PTP4A3: variants seen among roughly 807,000 people sequenced by gnomAD.
PTP4A3 encodes protein tyrosine phosphatase type IVA 3.
In PTP4A3, 9 loss-of-function variants were observed where a neutral mutation model predicts 15.2. The observed-to-expected ratio is 0.59, with a 90% CI of 0.36 to 1.03. The LOEUF is 1.03. PTP4A3 is among the 50% of genes least tolerant of loss of function. PTP4A3 has a pLI of 0.02. For synonymous variants in PTP4A3, 95 were observed against 102.0 expected, an observed-to-expected ratio of 0.93 and a Z score of 0.41; for missense variants, 234 against 252.1, an observed-to-expected ratio of 0.93 and a Z score of 0.49.
At chr8:141,413,633 A>G (rs1295913211) in intron 1 of PTP4A3, among the ~76,000 whole-genome samples, 1 of 152,220 alleles carries the variant, frequency 6.6e-6, no homozygotes, top group East Asian at 1.9e-4. Context: ...CCTCCTGCCC[A>G]GGGCAAGGTG....
chr8:141,415,377 C>G (rs1832997322), intron 1 of PTP4A3, among the ~76,000 whole-genome samples: 1 of 151,730 alleles, frequency 6.6e-6, no homozygotes, highest in Non-Finnish European at 1.5e-5. Flanking sequence ...CCCGCTCGCT[C>G]CCGCTGTTAC....
At chr8:141,427,920 C>T (rs919923089) in intron 5 of PTP4A3, 96 bp downstream of exon 5, 26 of 1,191,088 alleles carry the variant, frequency 2.2e-5, no homozygotes, top group African/African-American at 4.6e-5. Context: ...GTGGTTCCGT[C>T]GCTCTGAGGC....
At chr8:141,430,461 G>A (rs868077568) in intron 5 of PTP4A3, among the ~76,000 whole-genome samples, 3 of 151,824 alleles carry the variant, frequency 2.0e-5, no homozygotes, top group Admixed American at 6.6e-5. Context: ...TAAGGACCAG[G>A]TGGTGGGGAT....
chr8:141,426,394 C>G (rs183122069), intron 3 of PTP4A3: 2 of 975,842 alleles, frequency 2.0e-6, no homozygotes, highest in African/African-American at 1.8e-5. Context: ...GGCCGGGGCC[C>G]GGTGGAACCG....
rs368947682 is a variant in PTP4A3, at chr8:141,421,967, G to A, written c.-274G>A. On this transcript the variant is annotated 5_prime_UTR_variant, in exon 2 of 6. Coordinates refer to ENST00000521578, the MANE Select transcript of PTP4A3 (RefSeq NM_032611.3). The stretch of plus-strand genomic sequence containing the variant: ...TGCCCGCTTTACTTTGGTTGGGTTG[G>A]GGGGGGCGGCGGGCTGTTTTGTTCC... 20 of 431,556 alleles carry A rather than the reference G, an allele frequency of 4.6e-5. No individual in the cohort carries two copies. The highest frequency in any genetic ancestry group is 6.0e-4 in the Middle Eastern group (1 of 1,658). 26.7% of individuals were successfully genotyped at this position (431,556 alleles called of 1,614,324 possible).
At chr8:141,411,865 A>G (rs1256349170) in intron 1 of PTP4A3, among the ~76,000 whole-genome samples, 3 of 151,822 alleles carry the variant, frequency 2.0e-5, no homozygotes, top group African/African-American at 7.3e-5. Context: ...TTAAGAAGAA[A>G]ATGCAGAGAA....
At chr8:141,405,260 C>T (rs1586541147) in intron 1 of PTP4A3, among the ~76,000 whole-genome samples, 1 of 152,182 alleles carries the variant, frequency 6.6e-6, no homozygotes, top group East Asian at 1.9e-4. Flanking sequence ...TCCTGTGGGC[C>T]CCATGCAGAA....
chr8:141,399,217 C>T (rs1832525774), intron 1 of PTP4A3, among the ~76,000 whole-genome samples: 1 of 152,234 alleles, frequency 6.6e-6, no homozygotes, highest in Admixed American at 6.5e-5. Context: ...CTCCTGGCAC[C>T]CCCACTCTGG....
Position 141,406,090 on chromosome 8 carries a change from C to A in PTP4A3, c.-854+14006C>A, listed in dbSNP as rs1478763234. Reference sequence around the variant, plus strand: ...GGCTTTGAGCGGAGGGGGCTATGATCTGACTTAGGTCGAGGACACTGGTGG... The same window carrying A: ...GGCTTTGAGCGGAGGGGGCTATGATATGACTTAGGTCGAGGACACTGGTGG... On this transcript the variant is annotated intron_variant, in intron 1 of 5. Transcript: ENST00000521578. The surrounding 1 kb of genome is among the most constrained non-coding windows in gnomAD (Gnocchi z 4.5). 6.6e-6 allele frequency among the ~76,000 whole-genome samples: 1 copy of A among 152,132 alleles called. No individual in the cohort carries two copies. The highest frequency in any genetic ancestry group is 1.5e-5 in the Non-Finnish European group (1 of 68,018).
intron 3 of PTP4A3, 131 bp from the exon 4 acceptor site, chr8:141,426,808 G>A: frequency 6.9e-7 from 1 of 1,443,476 alleles, no homozygotes; most frequent in African/African-American, 1.4e-5. Context: ...TGCCCTCTGG[G>A]TCTGCTGCCC....
chr8:141,409,564 C>T (rs1832814752), intron 1 of PTP4A3, among the ~76,000 whole-genome samples: 1 of 152,226 alleles, frequency 6.6e-6, no homozygotes, highest in African/African-American at 2.4e-5. Flanking sequence ...TCCACATAGC[C>T]CCTAGGCTGG....
rs28727299 is a variant in PTP4A3 at position 141,392,973 on chromosome 8, C to T, written c.-854+889C>T. Among the ~76,000 whole-genome samples, 843 of 152,232 alleles carry T rather than the reference C, an allele frequency of 5.5e-3. 11 individuals carry two copies. The highest frequency in any genetic ancestry group is 0.019 in the African/African-American group (799 of 41,542). On this transcript the variant is annotated intron_variant, in intron 1 of 5. Coordinates refer to ENST00000521578, the MANE Select transcript of PTP4A3 (RefSeq NM_032611.3). ...TGCCTGCGGGCTCTGGGGTGTGCCCCGCACACGATGGTGGGTGTTGGGCAT... is the reference window on the plus strand; with the variant it reads ...TGCCTGCGGGCTCTGGGGTGTGCCCTGCACACGATGGTGGGTGTTGGGCAT...
chr8:141,427,151 G>T, intron 4 of PTP4A3, 82 bp downstream of exon 4: 4 of 1,548,688 alleles, frequency 2.6e-6, no homozygotes, highest in Non-Finnish European at 3.5e-6. Flanking sequence ...TTGGATGTGG[G>T]TCTTGAACAC....
At chr8:141,420,886 C>T (rs1178569369) in intron 1 of PTP4A3, among the ~76,000 whole-genome samples, 1 of 126,184 alleles carries the variant, frequency 7.9e-6, no homozygotes, top group Non-Finnish European at 1.9e-5. Context: ...GGGCCCCATT[C>T]CCTGAGGATG....
intron 1 of PTP4A3, among the ~76,000 whole-genome samples, chr8:141,396,507 C>G (rs1330114626): frequency 1.3e-5 from 2 of 152,196 alleles, no homozygotes; most frequent in Non-Finnish European, 2.9e-5. Flanking sequence ...CAGCATTCCT[C>G]TCTCACCGAG....
Position 141,431,017 on chromosome 8 carries a change from G to A in PTP4A3, c.495G>A (p.Thr165=), listed in dbSNP as rs145258592. ...GGCTGCGGTTCAAAGACCCACACAC[G>A]CACAAGACCCGGTGCTGCGTTATGT... ...KQRLRFKDPH[T]HKTRCCVM The change falls in exon 6 of 6, where the codon ACG becomes ACA. Residue 165 remains threonine (T), a synonymous_variant. Coordinates refer to ENST00000521578, the MANE Select transcript of PTP4A3 (RefSeq NM_032611.3). The A allele has an allele frequency of 5.1e-4, 819 of 1,613,226 alleles. 2 individuals carry two copies. The highest frequency in any genetic ancestry group is 1.8e-3 in the Middle Eastern group (11 of 6,058).
Position 141,431,063 on chromosome 8 carries a change from C to A in PTP4A3, c.*19C>A. ...TATGTAGCTCAGGACCTTGGCTGGGCCTGGTCGTCATGTAGGTCAGGACCT... is the reference window on the plus strand; with the variant it reads ...TATGTAGCTCAGGACCTTGGCTGGGACTGGTCGTCATGTAGGTCAGGACCT... On this transcript the variant is annotated 3_prime_UTR_variant, in exon 6 of 6. Coordinates refer to ENST00000521578, the MANE Select transcript of PTP4A3 (RefSeq NM_032611.3). 1 of 1,610,174 alleles carries A rather than the reference C, an allele frequency of 6.2e-7. No individual in the cohort carries two copies. The highest frequency in any genetic ancestry group is 1.1e-5 in the South Asian group (1 of 91,018).
At chr8:141,394,126 C>G (rs1832376319) in intron 1 of PTP4A3, among the ~76,000 whole-genome samples, 1 of 152,186 alleles carries the variant, frequency 6.6e-6, no homozygotes, top group East Asian at 1.9e-4. Context: ...ATGCACGTGA[C>G]CTCCTTAGGG....
intron 1 of PTP4A3, among the ~76,000 whole-genome samples, chr8:141,410,680 G>C (rs1286982905): frequency 1.3e-5 from 2 of 152,102 alleles, no homozygotes; most frequent in East Asian, 3.9e-4. Flanking sequence ...AGGCACAGAG[G>C]ACAGCCTTCC....
Sources: gnomAD v4.1 joint callset for allele counts (sites outside exome capture counted in the v4.1 genomes callset) on GRCh38, gnomAD v4.1.1 for gene constraint, Gnocchi (gnomAD v3.1) non-coding constraint, MANE v1.5 for transcripts, NCBI Gene and HGNC (gene_info 2026-07-23, HGNC 2026-07-21) for gene names.